The following SUCO variants were observed in gnomAD, a reference collection of about 807,000 sequenced individuals.
The protein encoded by SUCO is SUN domain containing ossification factor.
In SUCO, 57 loss-of-function variants were observed where a neutral mutation model predicts 148.1. The observed-to-expected ratio is 0.38, with a 90% CI of 0.31 to 0.48. The LOEUF (loss-of-function observed/expected upper bound fraction) is 0.48. Among genes scored for constraint, SUCO ranks in the 20% least tolerant of loss-of-function variants. The pLI, the probability that SUCO is intolerant of heterozygous loss-of-function variation, is 0.96. For synonymous variants in SUCO, 470 were observed against 502.7 expected, an observed-to-expected ratio of 0.93 and a Z score of 0.87; for missense variants, 1,331 against 1,468.2, an observed-to-expected ratio of 0.91 and a Z score of 1.53.
At chr1:172,571,459 G>A (rs1412260245) in intron 9 of SUCO, among the ~76,000 whole-genome samples, 4 of 151,988 alleles carry the variant, frequency 2.6e-5, no homozygotes, top group Non-Finnish European at 5.9e-5. Flanking sequence ...TGCCAAGATT[G>A]CAGCCTGTGC....
At chr1:172,535,235 A>G (rs980173288) in intron 1 of SUCO, among the ~76,000 whole-genome samples, 1 of 152,232 alleles carries the variant, frequency 6.6e-6, no homozygotes, top group African/African-American at 2.4e-5. Flanking sequence ...CCTAGTGAGG[A>G]AAATGGATGT....
chr1:172,568,313 ACCCCAT>A, intron 6 of SUCO: 1 of 328,144 alleles, frequency 3.0e-6, no homozygotes, highest in Non-Finnish European at 4.0e-6. Context: ...CTTCCCACCC[ACCCCAT>A]CCCCTTATTT....
At chr1:172,547,475 A>T (rs1330795852) in intron 1 of SUCO, among the ~76,000 whole-genome samples, 1 of 152,186 alleles carries the variant, frequency 6.6e-6, no homozygotes, top group Non-Finnish European at 1.5e-5. Flanking sequence ...GAAAGTCACA[A>T]CATCATTATA....
At chr1:172,561,662 A>G (rs982522361) in intron 6 of SUCO, among the ~76,000 whole-genome samples, 1 of 152,052 alleles carries the variant, frequency 6.6e-6, no homozygotes, top group African/African-American at 2.4e-5. Context: ...GAAGTATTAC[A>G]CTATTTTGCT....
chr1:172,536,666 AAC>A (rs1652043482), intron 1 of SUCO, among the ~76,000 whole-genome samples: 2 of 152,188 alleles, frequency 1.3e-5, no homozygotes. Flanking sequence ...TGGCTTGAAC[AAC>A]ACACATTTAT....
At chr1:172,581,604 G>T (rs1655889083) in intron 15 of SUCO, among the ~76,000 whole-genome samples, 1 of 152,166 alleles carries the variant, frequency 6.6e-6, no homozygotes, top group African/African-American at 2.4e-5. Context: ...CAGAACTTCA[G>T]TAGTTCTGAT....
chr1:172,590,167 C>G (rs1656538236), intron 18 of SUCO: 1 of 275,630 alleles, frequency 3.6e-6, no homozygotes, highest in Non-Finnish European at 5.5e-6. Context: ...AGGCTGGCAA[C>G]AAGTTTGAAT....
intron 1 of SUCO, chr1:172,550,919 T>C: frequency 3.1e-6 from 3 of 957,066 alleles, no homozygotes; most frequent in African/African-American, 3.6e-5. Flanking sequence ...AGAGCTTAAC[T>C]CTACTTGATA....
In SUCO at chr1:172,589,752, C is replaced by G; in HGVS notation, c.2651C>G (p.Ala884Gly). The G allele has an allele frequency of 2.5e-6, 4 of 1,612,076 alleles. No homozygotes were observed. The highest frequency in any genetic ancestry group is 3.4e-6 in the Non-Finnish European group (4 of 1,179,264). ...DALLRGLQRT[A>G]TDFYAELQNS... ...CTTTTGAGAGGGTTACAGAGGACAG[C>G]TACAGATTTTTATGCTGAATTGCAA... The change falls in exon 18 of 24, where the codon GCT (alanine) becomes GGT (glycine). Residue 884 changes from alanine to glycine, a missense_variant. Physicochemically the swap from Ala to Gly is moderately conservative, Grantham distance 60 (BLOSUM62 0). Around this residue, in one of 3 missense-constraint regions of SUCO, gnomAD observed 992 missense variants for 1,093.5 expected, o/e 0.91. Transcript: ENST00000263688.
intron 19 of SUCO, among the ~76,000 whole-genome samples, chr1:172,594,815 C>G (rs1210062452): frequency 2.0e-5 from 3 of 152,146 alleles, no homozygotes; most frequent in Non-Finnish European, 4.4e-5. Context: ...GAGCTGAGTT[C>G]AAGTCCTGGA....
At chr1:172,532,765 C>G, upstream of SUCO, 7 of 1,613,210 alleles carry the variant, frequency 4.3e-6, no homozygotes, top group Non-Finnish European at 5.9e-6. Context: ...CTCCCAAAGG[C>G]CCTTGCGCGG....
Position 172,602,166 on chromosome 1 carries a change from G to C in SUCO, c.3121G>C (p.Gly1041Arg). Residue 1041 changes from glycine to arginine, a missense_variant, in exon 21 of 24, where the codon GGA becomes CGA. Coordinates refer to ENST00000263688, the MANE Select transcript of SUCO (RefSeq NM_014283.5). ...QRCRNTSQFD[G>R]DYISKLPKSN... Reference sequence around the variant, plus strand: ...TTGTCGAAATACTTCTCAATTTGATGGAGATTATATTTCAAAACTTCCTAA... The same window carrying C: ...TTGTCGAAATACTTCTCAATTTGATCGAGATTATATTTCAAAACTTCCTAA... 1 of 1,613,524 alleles carries C rather than the reference G, an allele frequency of 6.2e-7. No individual in the cohort carries two copies.
Position 172,533,208 on chromosome 1 carries a change from C to G in SUCO, c.-228C>G. The G allele has an allele frequency of 6.6e-7, 1 of 1,517,234 alleles. No homozygotes were observed. Among genetic ancestry groups the G allele is most frequent in the Non-Finnish European group, 8.8e-7 (1 of 1,132,496 alleles). The allele number at this position is 1,517,234 out of a possible 1,614,324, so 94.0% of individuals were successfully genotyped here. ...GTGGACGAGCCGGTGGCTGCAGCGG[C>G]GGCGGTCCCCGGAGTCCTGTGAAGC... On this transcript the variant is annotated 5_prime_UTR_variant, in exon 1 of 24. Transcript: ENST00000263688.
At chr1:172,566,385 TCTC>T (rs1228103830) in intron 6 of SUCO, among the ~76,000 whole-genome samples, 1 of 152,206 alleles carries the variant, frequency 6.6e-6, no homozygotes, top group Non-Finnish European at 1.5e-5. Context: ...TCATCTTGCC[TCTC>T]CTCCAGTCAC....
intron 19 of SUCO, among the ~76,000 whole-genome samples, chr1:172,598,530 T>G (rs1657280861): frequency 6.6e-6 from 1 of 152,240 alleles, no homozygotes; most frequent in South Asian, 2.1e-4. Flanking sequence ...ATTTGCATAA[T>G]GTCATCTTAA....
At chr1:172,571,743 C>T (rs868611167) in intron 9 of SUCO, among the ~76,000 whole-genome samples, 1 of 41,956 alleles carries the variant, frequency 2.4e-5, no homozygotes, top group Non-Finnish European at 4.4e-5. Context: ...CGCCTCTACC[C>T]GGGCGCGACC....
rs188854094 is a variant in SUCO, at chr1:172,595,744, A to G, written c.2914-4320A>G. The stretch of plus-strand genomic sequence containing the variant: ...TCATTTCAACTTTGGTGAATCTGAC[A>G]ATTATGTGTCTTGGAGTTGCTCTTC... On this transcript the variant is annotated intron_variant, in intron 19 of 23. Transcript: ENST00000263688. 5.5e-3 allele frequency among the ~76,000 whole-genome samples: 841 copies of G among 152,168 alleles called. 3 individuals carry two copies. The highest frequency in any genetic ancestry group is 9.6e-3 in the Non-Finnish European group (656 of 68,010).
At position 172,570,168 on chromosome 1, in the gene SUCO, C is replaced by T; in HGVS notation, c.978C>T (p.Ala326=). Residue 326 remains alanine, a synonymous_variant, in exon 8 of 24, where the codon GCC becomes GCT. Transcript: ENST00000263688. ...GAKILAANPE[A]KSTSAILIEN... ...AAATTCTAGCAGCTAATCCAGAAGC[C>T]AAGGTAGGTGTTTAAATATAAAATT... is the stretch of plus-strand genomic sequence containing the variant. The T allele has an allele frequency of 1.3e-6, 2 of 1,563,868 alleles. No homozygotes were observed. Among genetic ancestry groups the T allele is most frequent in the South Asian group, 1.2e-5 (1 of 81,294 alleles).
intron 14 of SUCO, 72 bp downstream of exon 14, chr1:172,578,461 AG>A: frequency 1.4e-6 from 2 of 1,462,636 alleles, no homozygotes; most frequent in Non-Finnish European, 9.3e-7. Flanking sequence ...GTAATGGGGG[AG>A]TATAGCTTAC....
Sources: gnomAD v4.1 joint callset for allele counts (sites outside exome capture counted in the v4.1 genomes callset) on GRCh38, gnomAD v4.1.1 for gene constraint, gnomAD v4.1.1 regional missense constraint, MANE v1.5 for transcripts, NCBI Gene and HGNC (gene_info 2026-07-23, HGNC 2026-07-21) for gene names.